The following MSRA variants were observed in gnomAD, a reference collection of about 807,000 sequenced individuals.
MSRA encodes mitochondrial peptide methionine sulfoxide reductase.
A neutral mutation model predicts 31.3 loss-of-function variants in MSRA; 54 were observed. That is an observed-to-expected ratio of 1.73 (90% CI 1.39 to 2.17). MSRA has a LOEUF of 2.17. Among genes scored for constraint, MSRA ranks in the 30% most tolerant of loss-of-function variants. MSRA has a pLI of 0.00. For missense variants in MSRA, 507 were observed against 300.9 expected (o/e 1.69, Z -5.07); for synonymous variants, 169 against 116.5 (o/e 1.45, Z -2.90).
At chr8:10,092,232 G>A (rs1418976987) in intron 1 of MSRA, among the ~76,000 whole-genome samples, 1 of 151,274 alleles carries the variant, frequency 6.6e-6, no homozygotes, top group East Asian at 1.9e-4. Flanking sequence ...TTCTTTTTTT[G>A]GTCTGTATTG....
intron 1 of MSRA, among the ~76,000 whole-genome samples, chr8:10,168,046 G>A (rs1486565969): frequency 1.3e-5 from 2 of 152,102 alleles, no homozygotes; most frequent in Admixed American, 1.3e-4. Flanking sequence ...CCAACAGTTT[G>A]GGTTGCAATC....
At chr8:10,232,644 T>C (rs1214886831) in intron 2 of MSRA, among the ~76,000 whole-genome samples, 1 of 152,230 alleles carries the variant, frequency 6.6e-6, no homozygotes, top group Non-Finnish European at 1.5e-5. Context: ...TTTAAGGTTC[T>C]TCCTGAAGAT....
chr8:10,356,513 G>A (rs553705651), intron 5 of MSRA, among the ~76,000 whole-genome samples: 41 of 152,288 alleles, frequency 2.7e-4, no homozygotes, highest in African/African-American at 8.9e-4. Context: ...CCAGGTGTGT[G>A]CTGTGGACTG....
chr8:10,162,581 T>C (rs908442124), intron 1 of MSRA, among the ~76,000 whole-genome samples: 7 of 151,768 alleles, frequency 4.6e-5, no homozygotes, highest in African/African-American at 1.7e-4. Flanking sequence ...ACCATGGGGG[T>C]CCAGGGGGCC....
intron 1 of MSRA, among the ~76,000 whole-genome samples, chr8:10,088,881 C>G (rs1332649798): frequency 6.6e-6 from 1 of 152,088 alleles, no homozygotes; most frequent in Non-Finnish European, 1.5e-5. Flanking sequence ...TGTGCAGACA[C>G]AGAGAGAGAA....
chr8:10,346,552 C>G (rs1364788567), intron 5 of MSRA, among the ~76,000 whole-genome samples: 1 of 152,204 alleles, frequency 6.6e-6, no homozygotes, highest in African/African-American at 2.4e-5. Context: ...GGGCCAGCCA[C>G]TAGCCCTTGC....
At chr8:10,321,520 A>G (rs779491983) in intron 5 of MSRA, among the ~76,000 whole-genome samples, 3 of 152,098 alleles carry the variant, frequency 2.0e-5, no homozygotes, top group Non-Finnish European at 2.9e-5. Context: ...TGGTCATGGT[A>G]GGCAGCCTGT....
chr8:10,320,102 A>G, intron 5 of MSRA, 113 bp downstream of exon 5: 1 of 639,920 alleles, frequency 1.6e-6, no homozygotes, highest in Non-Finnish European at 2.7e-6. Flanking sequence ...TTATTTGCAC[A>G]TCTCTTAGAA....
chr8:10,386,785 G>C (rs546733477), intron 5 of MSRA, among the ~76,000 whole-genome samples: 1 of 151,642 alleles, frequency 6.6e-6, no homozygotes, highest in African/African-American at 2.4e-5. Flanking sequence ...AATGCATTTG[G>C]CTTTAGATTG....
At chr8:10,171,314 A>G (rs1026891961) in intron 1 of MSRA, among the ~76,000 whole-genome samples, 1 of 151,966 alleles carries the variant, frequency 6.6e-6, no homozygotes, top group Non-Finnish European at 1.5e-5. Context: ...CTAGTCCTGA[A>G]AAAAGTAGTG....
At chr8:10,336,007 A>T (rs2129147017) in intron 5 of MSRA, among the ~76,000 whole-genome samples, 1 of 152,232 alleles carries the variant, frequency 6.6e-6, no homozygotes, top group East Asian at 1.9e-4. Flanking sequence ...GGCCAGGTAG[A>T]TTCCCTCTGG....
intron 5 of MSRA, among the ~76,000 whole-genome samples, chr8:10,355,601 G>A (rs1804461466): frequency 6.6e-6 from 1 of 152,182 alleles, no homozygotes. Flanking sequence ...TACATGGCAG[G>A]GGAAGGCCTG....
intron 1 of MSRA, among the ~76,000 whole-genome samples, chr8:10,107,177 C>T (rs1421281754): frequency 6.6e-6 from 1 of 152,040 alleles, no homozygotes; most frequent in Non-Finnish European, 1.5e-5. Context: ...TTTTCCTCAC[C>T]TTCTTGTCCC....
intron 5 of MSRA, among the ~76,000 whole-genome samples, chr8:10,354,750 G>GTATATATATATA (rs754778002): frequency 1.5e-3 from 201 of 138,354 alleles, no homozygotes; most frequent in African/African-American, 5.2e-3. Context: ...GTGTGTGTGT[G>GTATATATATATA]TATATATATA....
chr8:10,171,823 A>G (rs1354263910), intron 1 of MSRA, among the ~76,000 whole-genome samples: 1 of 152,214 alleles, frequency 6.6e-6, no homozygotes, highest in Non-Finnish European at 1.5e-5. Flanking sequence ...TCTGTTAACA[A>G]CTGCTTGAAA....
At chr8:10,307,085 G>T (rs1006440114) in intron 4 of MSRA, among the ~76,000 whole-genome samples, 1 of 151,944 alleles carries the variant, frequency 6.6e-6, no homozygotes. Flanking sequence ...ATGCAGCTCT[G>T]TCTAAAGCTC....
intron 5 of MSRA, among the ~76,000 whole-genome samples, chr8:10,386,494 T>G (rs1039171212): frequency 1.3e-5 from 2 of 152,188 alleles, no homozygotes; most frequent in African/African-American, 4.8e-5. Flanking sequence ...GAAAGGTATT[T>G]CAAGGCCGTG....
At chr8:10,075,719 C>T (rs570929881) in intron 1 of MSRA, among the ~76,000 whole-genome samples, 10 of 152,294 alleles carry the variant, frequency 6.6e-5, no homozygotes, top group African/African-American at 1.2e-4. Context: ...AAAGAACTCT[C>T]GTAAGGTGGT....
Position 10,202,577 on chromosome 8 carries a change from A to G in MSRA, c.143-5256A>G, listed in dbSNP as rs114967748. ...TCTATGGGTACTGTGTTGAGAAAAGATTCTGTGGGCACATTCAGGGATCAA... is the reference window on the plus strand; with the variant it reads ...TCTATGGGTACTGTGTTGAGAAAAGGTTCTGTGGGCACATTCAGGGATCAA... On this transcript the variant is annotated intron_variant, in intron 1 of 5. Coordinates refer to ENST00000317173, the MANE Select transcript of MSRA (RefSeq NM_012331.5). Among the ~76,000 whole-genome samples, 1,461 of 152,298 alleles carry G rather than the reference A, an allele frequency of 9.6e-3. 25 individuals are homozygous for G. Among genetic ancestry groups the G allele is most frequent in the African/African-American group, 0.034 (1,394 of 41,552 alleles).
Sources: gnomAD v4.1 joint callset for allele counts (sites outside exome capture counted in the v4.1 genomes callset) on GRCh38, gnomAD v4.1.1 for gene constraint, MANE v1.5 for transcripts, NCBI Gene and HGNC (gene_info 2026-07-23, HGNC 2026-07-21) for gene names.